PLXDC2: variants seen among roughly 807,000 people sequenced by gnomAD.
PLXDC2 encodes the protein plexin domain containing 2.
Under a neutral mutation model 68.9 loss-of-function variants are expected in PLXDC2, and 40 were observed. The ratio of observed to expected loss-of-function variants is 0.58; its 90% CI spans 0.45 to 0.76. The LOEUF (loss-of-function observed/expected upper bound fraction) is 0.76, where lower values mean the gene tolerates loss of function less well. PLXDC2 is among the 30% of genes least tolerant of loss of function. The probability of loss-of-function intolerance (pLI) is 0.00; values close to 1 mark genes in which losing one functional copy is unlikely to be tolerated. For missense variants in PLXDC2, 644 were observed against 661.9 expected, an observed-to-expected ratio of 0.97 and a Z score of 0.30; for synonymous variants, 243 against 234.2, an observed-to-expected ratio of 1.04 and a Z score of -0.34.
intron 6 of PLXDC2, among the ~76,000 whole-genome samples, chr10:20,157,657 G>T (rs757349798): frequency 2.6e-5 from 4 of 152,100 alleles, no homozygotes; most frequent in East Asian, 1.9e-4. Flanking sequence ...AGGCCAGTGT[G>T]CTCTGCTCTA....
chr10:20,001,955 A>T lies in PLXDC2; in HGVS notation c.293A>T (p.Asp98Val), dbSNP rs1834949027. ...AGAAGCTTCACAGACCTGCTGCTGG[A>T]TGATGGGCAGGACAATAACACTCAG... is the stretch of plus-strand genomic sequence containing the variant. The part of the protein sequence containing the change: ...EPRSFTDLLL[D>V]DGQDNNTQIE... The change falls in exon 2 of 14, where the codon GAT (aspartate) becomes GTT (valine). Residue 98 changes from aspartate (D) to valine (V), a missense_variant. Physicochemically the swap from Asp to Val is radical, Grantham distance 152. Around this residue, in one of 3 missense-constraint regions of PLXDC2, gnomAD observed 201 missense variants for 166.9 expected, o/e 1.20. Coordinates refer to ENST00000377252, the MANE Select transcript of PLXDC2 (RefSeq NM_032812.9). 1 of 1,612,738 alleles carries T rather than the reference A, an allele frequency of 6.2e-7. No homozygotes were observed. The highest frequency in any genetic ancestry group is 8.5e-7 in the Non-Finnish European group (1 of 1,179,926).
At chr10:19,972,129 C>A (rs1482574884) in intron 1 of PLXDC2, among the ~76,000 whole-genome samples, 1 of 152,152 alleles carries the variant, frequency 6.6e-6, no homozygotes, top group Admixed American at 6.5e-5. Context: ...CAGCCTTTAT[C>A]CTGTGGACAA....
intron 1 of PLXDC2, among the ~76,000 whole-genome samples, chr10:19,839,186 CAAAA>C (rs3043806): frequency 5.8e-4 from 59 of 100,976 alleles, no homozygotes; most frequent in East Asian, 1.2e-3. Context: ...AACTCAGTCT[CAAAA>C]AAAAAAAAAA....
intron 13 of PLXDC2, among the ~76,000 whole-genome samples, chr10:20,261,069 A>G (rs1564370191): frequency 6.6e-6 from 1 of 152,040 alleles, no homozygotes; most frequent in Non-Finnish European, 1.5e-5. Flanking sequence ...GAGTTGTGTG[A>G]GTTCCTTATA....
At chr10:19,846,213 T>C (rs1564607564) in intron 1 of PLXDC2, among the ~76,000 whole-genome samples, 2 of 152,040 alleles carry the variant, frequency 1.3e-5, no homozygotes, top group Non-Finnish European at 2.9e-5. Flanking sequence ...CAAAGGTGAG[T>C]AATTTGGATC....
chr10:20,137,504 A>G (rs1201116652), intron 4 of PLXDC2, among the ~76,000 whole-genome samples: 1 of 152,246 alleles, frequency 6.6e-6, no homozygotes, highest in Non-Finnish European at 1.5e-5. Flanking sequence ...TATTTATGAA[A>G]TCTTCCAATT....
At chr10:20,264,938 G>A (rs1309187630) in intron 13 of PLXDC2, among the ~76,000 whole-genome samples, 1 of 151,952 alleles carries the variant, frequency 6.6e-6, no homozygotes, top group Admixed American at 6.6e-5. Context: ...CCAAAACAAC[G>A]AGCATTAAGA....
intron 6 of PLXDC2, among the ~76,000 whole-genome samples, chr10:20,149,401 G>C (rs1442841548): frequency 6.6e-6 from 1 of 151,688 alleles, no homozygotes; most frequent in Non-Finnish European, 1.5e-5. Flanking sequence ...ACCATGCCCA[G>C]CTAATTTTTG....
At chr10:19,964,842 C>A (rs1042465666) in intron 1 of PLXDC2, among the ~76,000 whole-genome samples, 2 of 152,096 alleles carry the variant, frequency 1.3e-5, no homozygotes, top group Non-Finnish European at 2.9e-5. Flanking sequence ...ACTCTAAGAG[C>A]CTTTCCAGCT....
intron 1 of PLXDC2, among the ~76,000 whole-genome samples, chr10:19,951,271 A>G (rs781055441): frequency 6.6e-5 from 10 of 152,200 alleles, no homozygotes; most frequent in East Asian, 1.9e-4. Flanking sequence ...CCAAAAATCT[A>G]TAAGAAACTT....
intron 2 of PLXDC2, among the ~76,000 whole-genome samples, chr10:20,023,071 C>T (rs1190391818): frequency 6.8e-6 from 1 of 147,730 alleles, no homozygotes; most frequent in African/African-American, 2.5e-5. Context: ...AAAGTAATGG[C>T]ATTTAAATAT....
chr10:20,004,999 C>T (rs1198217619), intron 2 of PLXDC2, among the ~76,000 whole-genome samples: 2 of 152,120 alleles, frequency 1.3e-5, no homozygotes, highest in African/African-American at 2.4e-5. Flanking sequence ...ATTTGTGTCC[C>T]TGTGTTTTCT....
At chr10:20,080,069 A>G (rs4336923) in intron 4 of PLXDC2, among the ~76,000 whole-genome samples, 58,544 of 152,030 alleles carry the variant, frequency 0.39, 12,537 homozygotes, top group East Asian at 0.7. Flanking sequence ...GAGAACTGTA[A>G]CAACTAAACA....
At chr10:19,874,012 G>A (rs998912978) in intron 1 of PLXDC2, among the ~76,000 whole-genome samples, 1 of 110,954 alleles carries the variant, frequency 9.0e-6, no homozygotes, top group Non-Finnish European at 2.0e-5. Context: ...AAAGAAGGCA[G>A]AGAAGGACAG....
At chr10:20,164,664 A>T (rs1834350464) in intron 7 of PLXDC2, 97 bp downstream of exon 7, 1 of 886,356 alleles carries the variant, frequency 1.1e-6, no homozygotes, top group South Asian at 1.4e-5. Flanking sequence ...TAAAAAAAAA[A>T]TAGCTAATCG....
chr10:20,238,515 C>G (rs1835463752), intron 12 of PLXDC2, among the ~76,000 whole-genome samples: 1 of 150,266 alleles, frequency 6.7e-6, no homozygotes, highest in Non-Finnish European at 1.5e-5. Context: ...GGCATGGCAG[C>G]CCATGCCTGT....
chr10:20,257,085 A>T (rs1383446037), intron 13 of PLXDC2, among the ~76,000 whole-genome samples: 1 of 152,160 alleles, frequency 6.6e-6, no homozygotes, highest in Non-Finnish European at 1.5e-5. Context: ...GGACGCAAGG[A>T]TCTCTGGGGA....
intron 12 of PLXDC2, among the ~76,000 whole-genome samples, chr10:20,224,162 T>A (rs1280631214): frequency 6.6e-6 from 1 of 151,730 alleles, no homozygotes; most frequent in Admixed American, 6.6e-5. Flanking sequence ...TTAGTAGAAA[T>A]GGGATTACGC....
intron 9 of PLXDC2, among the ~76,000 whole-genome samples, chr10:20,200,429 A>T (rs1261291684): frequency 6.6e-6 from 1 of 152,230 alleles, no homozygotes; most frequent in South Asian, 2.1e-4. Flanking sequence ...TTAAAATGAC[A>T]TAAGTAATCT....
Sources: allele counts gnomAD v4.1 joint callset (sites outside exome capture counted in the v4.1 genomes callset), GRCh38; gene constraint gnomAD v4.1.1; regional missense constraint gnomAD v4.1.1; transcripts MANE v1.5; gene names NCBI Gene and HGNC (gene_info 2026-07-23, HGNC 2026-07-21).